Variants in MAGT1 observed in about 807,000 individuals in gnomAD.
The protein encoded by MAGT1 is dolichyl-diphosphooligosaccharide--protein glycosyltransferase subunit MAGT1.
Under a neutral mutation model 28.4 loss-of-function variants are expected in MAGT1, and 4 were observed. The observed-to-expected ratio is 0.14, with a 90% confidence interval of 0.07 to 0.32. The LOEUF (loss-of-function observed/expected upper bound fraction) is 0.32, where lower values mean the gene tolerates loss of function less well. Ranked by LOEUF, MAGT1 falls within the 10% of genes least tolerant of loss-of-function variation. The pLI is 1.00. For missense variants in MAGT1, 193 were observed against 264.5 expected (o/e 0.73, Z 1.88); for synonymous variants, 89 against 89.7 (o/e 0.99, Z 0.04).
At chrX:77,874,308 AC>A (rs1387396004) in intron 2 of MAGT1, among the ~76,000 whole-genome samples, 1 of 106,098 alleles carries the variant, frequency 9.4e-6, no homozygotes, top group Admixed American at 1.0e-4. Flanking sequence ...AAAAAAAAAA[AC>A]ATTACCAGCT....
At chrX:77,868,556 G>C (rs1468037783) in intron 3 of MAGT1, 10 of 196,203 alleles carry the variant, frequency 5.1e-5, no homozygotes, top group Non-Finnish European at 1.0e-4. Flanking sequence ...AGAATCACTT[G>C]AATCCAGGAG....
At chrX:77,891,639 A>G (rs2077083010) in intron 1 of MAGT1, among the ~76,000 whole-genome samples, 2 of 111,999 alleles carry the variant, frequency 1.8e-5, no homozygotes, top group African/African-American at 6.5e-5. Context: ...TAAATATCAG[A>G]GAATAAATGG....
chrX:77,883,336 T>C (rs1440519162), intron 1 of MAGT1, among the ~76,000 whole-genome samples: 1 of 105,586 alleles, frequency 9.5e-6, no homozygotes, highest in Non-Finnish European at 1.9e-5. Flanking sequence ...CCATGTATAA[T>C]AATTATTGTA....
At chrX:77,878,212 C>T (rs149937524) in intron 1 of MAGT1, among the ~76,000 whole-genome samples, 1 of 98,250 alleles carries the variant, frequency 1.0e-5, no homozygotes, top group Middle Eastern at 4.9e-3. Context: ...TCGCTTGAAC[C>T]CGGGAGACGG....
At chrX:77,841,141 G>A in intron 8 of MAGT1, 105 bp downstream of exon 8, 1 of 586,367 alleles carries the variant, frequency 1.7e-6, no homozygotes, top group South Asian at 2.9e-5. Flanking sequence ...TAGTAAAGGG[G>A]TAAAATAACC....
At chrX:77,867,609 G>A (rs1307713190) in intron 3 of MAGT1, among the ~76,000 whole-genome samples, 1 of 66,491 alleles carries the variant, frequency 1.5e-5, no homozygotes, top group Non-Finnish European at 4.1e-5. Context: ...AAGGTGCAAG[G>A]ATTACTTGAG....
intron 7 of MAGT1, among the ~76,000 whole-genome samples, chrX:77,849,783 G>A (rs1462645504): frequency 1.2e-4 from 13 of 108,420 alleles, no homozygotes; most frequent in African/African-American, 4.0e-4. Flanking sequence ...GCTGAAGCAA[G>A]AGAATCGCCT....
chrX:77,874,321 G>C (rs2077027521), intron 2 of MAGT1, among the ~76,000 whole-genome samples: 1 of 106,201 alleles, frequency 9.4e-6, no homozygotes, highest in Admixed American at 1.0e-4. Context: ...TTACCAGCTG[G>C]GTGTGGTGGC....
At chrX:77,829,801 TA>T (rs1190368766) in intron 9 of MAGT1, among the ~76,000 whole-genome samples, 16 of 111,443 alleles carry the variant, frequency 1.4e-4, no homozygotes, top group Admixed American at 7.7e-4. Context: ...TTTTTAACAT[TA>T]AAAAAAATCA....
intron 3 of MAGT1, among the ~76,000 whole-genome samples, chrX:77,863,360 C>G (rs1557216599): frequency 9.2e-6 from 1 of 108,139 alleles, no homozygotes; most frequent in African/African-American, 3.4e-5. Context: ...AAAAATACAA[C>G]AAAAATTAGC....
intron 1 of MAGT1, among the ~76,000 whole-genome samples, chrX:77,888,580 T>C (rs1371044094): frequency 8.9e-6 from 1 of 111,821 alleles, no homozygotes; most frequent in East Asian, 2.8e-4. Flanking sequence ...TCTACCAAAG[T>C]AGCTTAAGCT....
chrX:77,882,142 G>T (rs924378492), intron 1 of MAGT1, among the ~76,000 whole-genome samples: 2 of 111,863 alleles, frequency 1.8e-5, no homozygotes, highest in Non-Finnish European at 3.8e-5. Flanking sequence ...TAGATGGGAC[G>T]TATCTAAAAA....
chrX:77,834,941 C>T (rs912144287), intron 8 of MAGT1, among the ~76,000 whole-genome samples: 4 of 107,686 alleles, frequency 3.7e-5, no homozygotes, highest in Non-Finnish European at 5.8e-5. Context: ...ATGATCTGAT[C>T]GAAAAAACAT....
chrX:77,842,017 C>T (rs1557214455), intron 7 of MAGT1, among the ~76,000 whole-genome samples: 1 of 109,155 alleles, frequency 9.2e-6, no homozygotes, highest in Non-Finnish European at 1.9e-5. Context: ...ATATTTCACC[C>T]CACCTCCCTA....
chrX:77,875,370 G>A, intron 2 of MAGT1, 58 bp downstream of exon 2: 1 of 1,141,460 alleles, frequency 8.8e-7, no homozygotes, highest in Admixed American at 2.2e-5. Flanking sequence ...TTCTGGGATT[G>A]AGAAATGGTT....
chrX:77,878,289 C>CAAAAA (rs1205547369), intron 1 of MAGT1, among the ~76,000 whole-genome samples: 2 of 15,062 alleles, frequency 1.3e-4, no homozygotes, highest in Admixed American at 2.0e-3. Flanking sequence ...AACTCTGATG[C>CAAAAA]AAAAAAAAAA....
intron 7 of MAGT1, among the ~76,000 whole-genome samples, chrX:77,852,589 T>G (rs1252925080): frequency 9.0e-6 from 1 of 110,667 alleles, no homozygotes; most frequent in Non-Finnish European, 1.9e-5. Flanking sequence ...TTAAGTTTCG[T>G]TTTTTTTCCC....
intron 1 of MAGT1, among the ~76,000 whole-genome samples, chrX:77,894,702 C>T (rs1250564336): frequency 8.9e-6 from 1 of 111,894 alleles, no homozygotes; most frequent in Non-Finnish European, 1.9e-5. Context: ...TTCCTAAAGC[C>T]TATGAGTTCC....
chrX:77,887,836 C>G (rs1557219119), intron 1 of MAGT1, among the ~76,000 whole-genome samples: 1 of 112,337 alleles, frequency 8.9e-6, no homozygotes, highest in Non-Finnish European at 1.9e-5. Flanking sequence ...GAGACAGAGT[C>G]TTGCTCTGCC....
Sources: allele counts gnomAD v4.1 joint callset (sites outside exome capture counted in the v4.1 genomes callset), GRCh38; gene constraint gnomAD v4.1.1; transcripts MANE v1.5; gene names NCBI Gene and HGNC (gene_info 2026-07-23, HGNC 2026-07-21).